The following INO80D variants were observed in gnomAD, a reference collection of about 807,000 sequenced individuals.
INO80D encodes the protein INO80 complex subunit D.
In INO80D, 21 loss-of-function variants were observed where a neutral mutation model predicts 87.6. That is an observed-to-expected ratio of 0.24 (90% CI 0.17 to 0.35). The LOEUF (loss-of-function observed/expected upper bound fraction) is 0.35. INO80D is among the 10% of genes least tolerant of loss of function. The probability of loss-of-function intolerance (pLI) is 1.00; values close to 1 mark genes in which losing one functional copy is unlikely to be tolerated. For synonymous variants in INO80D, 440 were observed against 491.0 expected, an observed-to-expected ratio of 0.90 and a Z score of 1.37; for missense variants, 982 against 1,280.7, an observed-to-expected ratio of 0.77 and a Z score of 3.56.
chr2:206,047,022 A>G (rs1405891229), intron 4 of INO80D, among the ~76,000 whole-genome samples: 1 of 152,024 alleles, frequency 6.6e-6, no homozygotes, highest in Non-Finnish European at 1.5e-5. Context: ...CTCGTGATCC[A>G]CCCACCTCGG....
chr2:206,040,226 T>C (rs961181432), intron 5 of INO80D, among the ~76,000 whole-genome samples: 1 of 142,620 alleles, frequency 7.0e-6, no homozygotes, highest in African/African-American at 2.6e-5. Flanking sequence ...TCAGGAGGTT[T>C]AGTGAGCCTA....
chr2:206,015,331 T>C (rs1455942831), intron 8 of INO80D, among the ~76,000 whole-genome samples: 2 of 152,166 alleles, frequency 1.3e-5, no homozygotes, highest in East Asian at 3.9e-4. Context: ...CCTCCCATCA[T>C]AGGCCTGGAG....
chr2:206,050,544 A>T (rs1191048975), intron 4 of INO80D, among the ~76,000 whole-genome samples: 10 of 147,828 alleles, frequency 6.8e-5, no homozygotes, highest in Non-Finnish European at 1.2e-4. Flanking sequence ...ATCAGCCCCT[A>T]AGATGACATA....
In INO80D at chr2:206,062,306, G is replaced by GCA. The variant is rs766837337; in HGVS notation, c.218+492_218+493insTG. Among the ~76,000 whole-genome samples the GCA allele has an allele frequency of 5.9e-5, 9 of 152,088 alleles. No individual in the cohort carries two copies. Among genetic ancestry groups the GCA allele is most frequent in the Non-Finnish European group, 1.0e-4 (7 of 68,020 alleles). On this transcript the variant is annotated intron_variant, in intron 3 of 10. Coordinates refer to ENST00000403263, the MANE Select transcript of INO80D (RefSeq NM_017759.5). The surrounding 1 kb of genome is among the most constrained non-coding windows in gnomAD (Gnocchi z 4.6). The stretch of plus-strand genomic sequence containing the variant: ...AGTTTTTTAAAATTTTCTTCAGTAA[G>GCA]TATATATCCTTTACTAACTTCTAGG...
chr2:206,038,584 C>A (rs781769617), intron 5 of INO80D, among the ~76,000 whole-genome samples: 1 of 152,170 alleles, frequency 6.6e-6, no homozygotes, highest in Non-Finnish European at 1.5e-5. Flanking sequence ...GTAATCCTAA[C>A]ACTTTGGGAG....
At chr2:206,014,174 A>G (rs1283363553) in intron 8 of INO80D, among the ~76,000 whole-genome samples, 2 of 147,892 alleles carry the variant, frequency 1.4e-5, no homozygotes, top group African/African-American at 5.0e-5. Context: ...AAAAAAAAAA[A>G]CAACCTATAT....
rs1308893889 is a variant in INO80D at position 206,056,290 on chromosome 2, G to C, written c.872C>G (p.Ser291Cys). The change falls in exon 4 of 11, where the codon TCT becomes TGT. Residue 291 changes from serine to cysteine, a missense_variant. By Grantham distance (112) the Ser-to-Cys change is moderately radical. Transcript: ENST00000403263. Reference protein sequence around the residue: ...DRILMKATAFSPHFSCISRLQ... With the variant: ...DRILMKATAFCPHFSCISRLQ... ...TCGGCTTATACATGAGAAGTGTGGA[G>C]AGAAGGCTGTGGCTTTCATGAGGAT... The C allele has an allele frequency of 1.9e-6, 3 of 1,614,026 alleles. No individual in the cohort carries two copies. Among genetic ancestry groups the C allele is most frequent in the Middle Eastern group, 1.7e-4 (1 of 6,060 alleles).
chr2:206,020,593 TTTCA>T (rs1477450813), intron 6 of INO80D, among the ~76,000 whole-genome samples: 1 of 152,178 alleles, frequency 6.6e-6, no homozygotes, highest in African/African-American at 2.4e-5. Context: ...GCAATCCATG[TTTCA>T]TTATTTAAAT....
intron 3 of INO80D, among the ~76,000 whole-genome samples, chr2:206,060,582 C>G (rs111556865): frequency 3.5e-5 from 5 of 144,126 alleles, no homozygotes; most frequent in Admixed American, 2.1e-4. Flanking sequence ...TTTTTTGAGA[C>G]GGAGTTTCGC....
chr2:206,051,127 C>T (rs1248817510), intron 4 of INO80D, among the ~76,000 whole-genome samples: 1 of 151,984 alleles, frequency 6.6e-6, no homozygotes, highest in East Asian at 1.9e-4. Flanking sequence ...TCCAAATAAG[C>T]AAGCAAACCA....
At chr2:206,030,856 CAGA>C (rs1334526960) in intron 5 of INO80D, among the ~76,000 whole-genome samples, 6 of 152,094 alleles carry the variant, frequency 3.9e-5, no homozygotes, top group South Asian at 2.1e-4. Context: ...ATAAAATAAA[CAGA>C]AGAAGAGAGA....
At chr2:206,079,977 C>G (rs1241433451) in intron 1 of INO80D, among the ~76,000 whole-genome samples, 4 of 152,208 alleles carry the variant, frequency 2.6e-5, no homozygotes, top group African/African-American at 9.7e-5. Context: ...ACAGAAACTT[C>G]CCCTGCAAAG....
chr2:206,082,706 T>C (rs1376356660), intron 1 of INO80D, among the ~76,000 whole-genome samples: 4 of 152,194 alleles, frequency 2.6e-5, no homozygotes, highest in Non-Finnish European at 5.9e-5. Flanking sequence ...TCTAACTGTA[T>C]TCAAATATAA....
At chr2:206,015,555 G>C (rs1241287733) in intron 8 of INO80D, among the ~76,000 whole-genome samples, 1 of 152,168 alleles carries the variant, frequency 6.6e-6, no homozygotes, top group South Asian at 2.1e-4. Flanking sequence ...CAAGAATTGA[G>C]GCTTGGGAAC....
In INO80D at chr2:205,998,629, T is replaced by C. The variant is rs1687851005; in HGVS notation, c.*5739A>G. On this transcript the variant is annotated 3_prime_UTR_variant, in exon 11 of 11. Transcript: ENST00000403263. ...TACAATAAGTATTCTGAAAGCTCAT[T>C]GGGGAAGGAAATTTTTAAATAAAAG... 6.6e-6 allele frequency: 1 copy of C among 152,110 alleles called. No homozygotes were observed. The highest frequency in any genetic ancestry group is 2.4e-5 in the African/African-American group (1 of 41,424). 9.4% of individuals were successfully genotyped at this position (152,110 alleles called of 1,614,324 possible). A position where few individuals can be genotyped will look rare whatever the true frequency, so the allele number is the denominator to read the frequency against.
At position 206,009,620 on chromosome 2, in the gene INO80D, T is replaced by A; in HGVS notation, c.1717A>T (p.Met573Leu). 6.2e-7 allele frequency: 1 copy of A among 1,613,890 alleles called. No homozygotes were observed. Among genetic ancestry groups the A allele is most frequent in the Non-Finnish European group, 8.5e-7 (1 of 1,179,876 alleles). Residue 573 changes from methionine (M) to leucine (L), a missense_variant, in exon 9 of 11, where the codon ATG becomes TTG. Transcript: ENST00000403263. ...ACTGGCAGTGAGACGCTGGCGGGCA[T>A]GCTGAGGTTCCCTTGGGGGACTGCA... ...PPAVPQGNLS[M>L]PASVSLPVEA...
intron 6 of INO80D, among the ~76,000 whole-genome samples, chr2:206,026,244 T>C (rs546986102): frequency 6.6e-6 from 1 of 152,126 alleles, no homozygotes; most frequent in Admixed American, 6.5e-5. Flanking sequence ...AAATGTGTAT[T>C]TCAGTTAAAA....
chr2:206,002,682 A>G lies in INO80D; in HGVS notation c.*1686T>C, dbSNP rs1454990704. On this transcript the variant is annotated 3_prime_UTR_variant, in exon 11 of 11. Coordinates refer to ENST00000403263, the MANE Select transcript of INO80D (RefSeq NM_017759.5). Reference sequence around the variant, plus strand: ...CTTTCAAAAGAAGGGACTGGTTAGAACTAGCATGGCATAAAGAGATTACAT... The same window carrying G: ...CTTTCAAAAGAAGGGACTGGTTAGAGCTAGCATGGCATAAAGAGATTACAT... 2.6e-5 allele frequency: 4 copies of G among 152,230 alleles called. No individual in the cohort carries two copies. The highest frequency in any genetic ancestry group is 5.9e-5 in the Non-Finnish European group (4 of 68,034). 9.4% of individuals were successfully genotyped at this position (152,230 alleles called of 1,614,324 possible). A position where few individuals can be genotyped will look rare whatever the true frequency, so the allele number is the denominator to read the frequency against.
chr2:206,059,230 A>T (rs1689618793), intron 3 of INO80D, among the ~76,000 whole-genome samples: 1 of 151,922 alleles, frequency 6.6e-6, no homozygotes, highest in Non-Finnish European at 1.5e-5. Context: ...AAAATACAAA[A>T]ATTAGCCGGG....
Sources: allele counts gnomAD v4.1 joint callset (sites outside exome capture counted in the v4.1 genomes callset), GRCh38; gene constraint gnomAD v4.1.1; non-coding constraint Gnocchi (gnomAD v3.1); transcripts MANE v1.5; gene names NCBI Gene and HGNC (gene_info 2026-07-23, HGNC 2026-07-21).